CNTN5: variants seen among roughly 807,000 people sequenced by gnomAD.
CNTN5 encodes the protein contactin-5.
CNTN5 carries 77 observed loss-of-function variants against 129.1 expected under a neutral mutation model. The ratio of observed to expected loss-of-function variants is 0.60; its 90% CI spans 0.50 to 0.72. CNTN5 has a LOEUF of 0.72. CNTN5 is among the 30% of genes least tolerant of loss of function. The pLI, the probability that CNTN5 is intolerant of heterozygous loss-of-function variation, is 0.00. For missense variants in CNTN5, 1,478 were observed against 1,328.8 expected, an observed-to-expected ratio of 1.11 and a Z score of -1.75; for synonymous variants, 509 against 465.6, an observed-to-expected ratio of 1.09 and a Z score of -1.20.
chr11:100,294,915 C>T (rs905912419), intron 18 of CNTN5, among the ~76,000 whole-genome samples: 5 of 151,540 alleles, frequency 3.3e-5, no homozygotes, highest in Admixed American at 6.6e-5. Context: ...ACATGGGTTT[C>T]GCTGATTAGC....
chr11:99,154,542 G>T lies in CNTN5; in HGVS notation c.-210+133272G>T, dbSNP rs540426919. ...GGGAAGGCAAGGACGACCTGTGCAT[G>T]TGTGCTGACAAAGTGGTGTGGAGGT... On this transcript the variant is annotated intron_variant, in intron 1 of 24. Transcript: ENST00000524871. Among the ~76,000 whole-genome samples the T allele has an allele frequency of 2.0e-5, 3 of 152,324 alleles. No homozygotes were observed. The East Asian group carries it at 5.8e-4, about 29-fold the overall frequency.
chr11:99,656,896 C>T (rs1952389532), intron 3 of CNTN5, among the ~76,000 whole-genome samples: 1 of 151,646 alleles, frequency 6.6e-6, no homozygotes. Flanking sequence ...CTGTAGAAAA[C>T]CCCTGTAGAA....
At chr11:99,835,543 T>C (rs766866086) in intron 4 of CNTN5, among the ~76,000 whole-genome samples, 81 of 152,268 alleles carry the variant, frequency 5.3e-4, no homozygotes, top group South Asian at 1.9e-3. Flanking sequence ...ATAGTGAATG[T>C]CAGTCACTTT....
At chr11:99,063,386 TCAA>T (rs1350117239) in intron 1 of CNTN5, among the ~76,000 whole-genome samples, 18 of 152,094 alleles carry the variant, frequency 1.2e-4, no homozygotes, top group African/African-American at 4.3e-4. Flanking sequence ...GAGCTACAGT[TCAA>T]GTAACAAAAT....
chr11:99,640,167 C>T (rs1951718237), intron 3 of CNTN5, among the ~76,000 whole-genome samples: 1 of 152,158 alleles, frequency 6.6e-6, no homozygotes, highest in South Asian at 2.1e-4. Flanking sequence ...CTGAGCCCTC[C>T]AAACTGTTCC....
intron 3 of CNTN5, among the ~76,000 whole-genome samples, chr11:99,727,398 G>C (rs1943387530): frequency 6.7e-6 from 1 of 149,130 alleles, no homozygotes; most frequent in African/African-American, 2.5e-5. Context: ...ACAATGATAA[G>C]CCCGATCTGT....
Position 100,022,301 on chromosome 11 carries a change from T to C in CNTN5, c.980+20165T>C, listed in dbSNP as rs146743203. On this transcript the variant is annotated intron_variant, in intron 9 of 24. Transcript: ENST00000524871. ...AGGCAGTATGTAGTTGGGTCTTACTTTTTAAACCAACATAACAGTATCTTC... is the reference window on the plus strand; with the variant it reads ...AGGCAGTATGTAGTTGGGTCTTACTCTTTAAACCAACATAACAGTATCTTC... Among the ~76,000 whole-genome samples, 77 of 152,346 alleles carry C rather than the reference T, an allele frequency of 5.1e-4. No homozygotes were observed. The East Asian group carries it at 0.014, about 28-fold the overall frequency.
At chr11:99,073,994 A>G (rs1168524673) in intron 1 of CNTN5, among the ~76,000 whole-genome samples, 2 of 152,166 alleles carry the variant, frequency 1.3e-5, no homozygotes, top group African/African-American at 4.8e-5. Flanking sequence ...TCCCACCAAC[A>G]GTGTAAAAGC....
At chr11:100,136,138 G>A (rs992057616) in intron 13 of CNTN5, among the ~76,000 whole-genome samples, 5 of 152,076 alleles carry the variant, frequency 3.3e-5, no homozygotes, top group African/African-American at 1.2e-4. Flanking sequence ...GCTCAATGAA[G>A]ATCAGATTAA....
intron 6 of CNTN5, among the ~76,000 whole-genome samples, chr11:99,889,623 C>T (rs1183935241): frequency 6.6e-6 from 1 of 151,082 alleles, no homozygotes; most frequent in African/African-American, 2.4e-5. Flanking sequence ...ACATCCTCTG[C>T]CTCCTGGGTT....
intron 1 of CNTN5, among the ~76,000 whole-genome samples, chr11:99,295,007 G>C (rs11219232): frequency 6.6e-6 from 1 of 152,206 alleles, no homozygotes; most frequent in African/African-American, 2.4e-5. Context: ...GTCATTCATA[G>C]TTTACGGTGT....
intron 3 of CNTN5, among the ~76,000 whole-genome samples, chr11:99,780,186 C>G (rs773120556): frequency 6.6e-6 from 1 of 151,898 alleles, no homozygotes; most frequent in African/African-American, 2.4e-5. Flanking sequence ...TTTTTTCCCC[C>G]CCTTCAGATT....
rs879710376 is a variant in CNTN5, at chr11:99,606,431, C to G, written c.55+50162C>G. Among the ~76,000 whole-genome samples, 1,146 of 143,848 alleles carry G rather than the reference C, an allele frequency of 8.0e-3. 7 individuals are homozygous for G. Among genetic ancestry groups the G allele is most frequent in the Non-Finnish European group, 0.014 (919 of 65,688 alleles). 94.4% of individuals were successfully genotyped at this position (143,848 alleles called of 152,430 possible). ...CTTCAAGGAGAACTACAAACCACTG[C>G]TCAAGGAAATTAAAGAGGACACAAA... On this transcript the variant is annotated intron_variant, in intron 3 of 24. Coordinates refer to ENST00000524871, the MANE Select transcript of CNTN5 (RefSeq NM_014361.4).
At chr11:99,300,858 T>G (rs1381518657) in intron 1 of CNTN5, among the ~76,000 whole-genome samples, 5 of 151,984 alleles carry the variant, frequency 3.3e-5, no homozygotes, top group African/African-American at 1.2e-4. Flanking sequence ...TAAAACATGA[T>G]GCTTTCATCT....
chr11:99,652,116 T>G (rs1474830363), intron 3 of CNTN5, among the ~76,000 whole-genome samples: 9 of 152,030 alleles, frequency 5.9e-5, no homozygotes, highest in Admixed American at 4.6e-4. Flanking sequence ...TGCAGTCTTA[T>G]CTCTCATCTG....
intron 3 of CNTN5, among the ~76,000 whole-genome samples, chr11:99,813,836 T>C (rs1199219569): frequency 6.6e-6 from 1 of 152,094 alleles, no homozygotes; most frequent in African/African-American, 2.4e-5. Flanking sequence ...CAAAAAATGG[T>C]CCTTAAACTT....
intron 1 of CNTN5, among the ~76,000 whole-genome samples, chr11:99,212,112 G>A (rs961599381): frequency 2.0e-5 from 3 of 152,242 alleles, no homozygotes; most frequent in African/African-American, 4.8e-5. Flanking sequence ...TTCTCACAGG[G>A]TACTTTAGTG....
chr11:100,241,129 T>C (rs1385887605), intron 16 of CNTN5, among the ~76,000 whole-genome samples: 1 of 152,238 alleles, frequency 6.6e-6, no homozygotes, highest in Non-Finnish European at 1.5e-5. Flanking sequence ...TTAGTGTTTA[T>C]GCAATAGTAG....
intron 3 of CNTN5, among the ~76,000 whole-genome samples, chr11:99,640,775 A>C (rs1394079706): frequency 6.6e-6 from 1 of 152,128 alleles, no homozygotes; most frequent in African/African-American, 2.4e-5. Context: ...GTGTAAGTAT[A>C]CTCTGATATT....
Sources: gnomAD v4.1 joint callset for allele counts (sites outside exome capture counted in the v4.1 genomes callset) on GRCh38, gnomAD v4.1.1 for gene constraint, MANE v1.5 for transcripts, NCBI Gene and HGNC (gene_info 2026-07-23, HGNC 2026-07-21) for gene names.